The following LGALS2 variants were observed in gnomAD, a reference collection of about 807,000 sequenced individuals.
LGALS2 encodes the protein galectin 2.
A neutral mutation model predicts 10.1 loss-of-function variants in LGALS2; 7 were observed. The ratio of observed to expected loss-of-function variants is 0.70; its 90% CI spans 0.40 to 1.31. The LOEUF (loss-of-function observed/expected upper bound fraction) is 1.31. LGALS2 is among the 50% of genes most tolerant of loss of function. LGALS2 has a pLI of 0.01. For missense variants in LGALS2, 167 were observed against 163.6 expected, an observed-to-expected ratio of 1.02 and a Z score of -0.11; for synonymous variants, 86 against 64.2, an observed-to-expected ratio of 1.34 and a Z score of -1.63.
chr22:37,579,685 C>T (rs1347484690), intron 1 of LGALS2, among the ~76,000 whole-genome samples: 5 of 152,128 alleles, frequency 3.3e-5, no homozygotes, highest in Non-Finnish European at 5.9e-5. Flanking sequence ...CCACCAGCCT[C>T]GGCCTCCCAA....
rs1267244532 is a variant in LGALS2 at position 37,579,085 on chromosome 22, C to CA, written c.6+814dup. On this transcript the variant is annotated intron_variant, in intron 1 of 3. Transcript: ENST00000215886. ...CTGGGCAACAGAAACTCCATCTCAACAAAAAAAAAAAAATTAGCCAGGTGT... is the reference window on the plus strand; with the variant it reads ...CTGGGCAACAGAAACTCCATCTCAACAAAAAAAAAAAAAATTAGCCAGGTGT... Among the ~76,000 whole-genome samples the CA allele has an allele frequency of 5.2e-4, 75 of 143,074 alleles. No individual in the cohort carries two copies. The South Asian group carries it at 0.012, about 23-fold the overall frequency. 93.9% of individuals were successfully genotyped at this position (143,074 alleles called of 152,430 possible).
At chr22:37,576,906 C>T (rs1925698859) in intron 1 of LGALS2, among the ~76,000 whole-genome samples, 1 of 146,212 alleles carries the variant, frequency 6.8e-6, no homozygotes, top group Non-Finnish European at 1.5e-5. Flanking sequence ...GGTGCAGGCC[C>T]GGGAGCCTTG....
At chr22:37,576,148 G>A (rs182030347) in intron 1 of LGALS2, among the ~76,000 whole-genome samples, 9 of 152,124 alleles carry the variant, frequency 5.9e-5, no homozygotes, top group South Asian at 4.1e-4. Context: ...CCAGACAGAC[G>A]GGATTAAAAT....
chr22:37,570,364 C>T lies in LGALS2; in HGVS notation c.298G>A (p.Gly100Arg), dbSNP rs774284368. ...SDKFKVKLPDGHELTFPNRLG... is the reference protein window; with the variant it reads ...SDKFKVKLPDRHELTFPNRLG... ...CTGTTGGGAAAAGTCAGCTCGTGCC[C>T]ATCTGGCAGCTTCACCTTGAATTTG... is the stretch of plus-strand genomic sequence containing the variant. Residue 100 changes from glycine to arginine, a missense_variant, in exon 4 of 4, where the codon GGG becomes AGG. Transcript: ENST00000215886. 1.2e-6 allele frequency: 2 copies of T among 1,614,066 alleles called. No homozygotes were observed. The highest frequency in any genetic ancestry group is 1.1e-5 in the South Asian group (1 of 91,080).
intron 1 of LGALS2, among the ~76,000 whole-genome samples, chr22:37,576,249 G>A (rs1925669299): frequency 6.6e-6 from 1 of 151,936 alleles, no homozygotes; most frequent in South Asian, 2.1e-4. Flanking sequence ...TCAGGAGAGT[G>A]AGATCATCCT....
At chr22:37,575,907 T>G (rs1398951865) in intron 1 of LGALS2, among the ~76,000 whole-genome samples, 1 of 152,166 alleles carries the variant, frequency 6.6e-6, no homozygotes, top group Non-Finnish European at 1.5e-5. Context: ...ATTTCTTTGT[T>G]GGGGTCTGTC....
chr22:37,571,721 G>A, intron 2 of LGALS2, 128 bp downstream of exon 2: 1 of 713,086 alleles, frequency 1.4e-6, no homozygotes, highest in Non-Finnish European at 2.5e-6. Context: ...TGGGGAGAAG[G>A]GTGTGAAAAA....
chr22:37,573,524 C>G (rs916802567), intron 1 of LGALS2, among the ~76,000 whole-genome samples: 2 of 152,080 alleles, frequency 1.3e-5, no homozygotes, highest in African/African-American at 4.8e-5. Context: ...TAGCGAGACT[C>G]CCATTTCTAT....
At chr22:37,575,625 A>AT (rs112964645) in intron 1 of LGALS2, among the ~76,000 whole-genome samples, 9,829 of 140,920 alleles carry the variant, frequency 0.07, 906 homozygotes, top group African/African-American at 0.22. Context: ...GGCCCAGCTG[A>AT]TTTTTTTTTT....
chr22:37,576,386 T>A (rs1210986013), intron 1 of LGALS2, among the ~76,000 whole-genome samples: 15 of 143,940 alleles, frequency 1.0e-4, no homozygotes, highest in South Asian at 4.3e-4. Context: ...CGGGAGGCGG[T>A]GCTTGCAGTG....
chr22:37,574,772 C>T (rs1052285727), intron 1 of LGALS2, among the ~76,000 whole-genome samples: 12 of 152,186 alleles, frequency 7.9e-5, no homozygotes, highest in Middle Eastern at 3.4e-3. Context: ...TGCCCTCTCG[C>T]TGGCAGCCGC....
chr22:37,572,459 T>C (rs915797630), intron 1 of LGALS2, among the ~76,000 whole-genome samples: 1 of 151,204 alleles, frequency 6.6e-6, no homozygotes, highest in African/African-American at 2.4e-5. Context: ...TGGTGAAACC[T>C]CGTCTCTACT....
intron 2 of LGALS2, 71 bp from the exon 3 acceptor site, chr22:37,570,806 T>C: frequency 6.5e-7 from 1 of 1,541,982 alleles, no homozygotes; most frequent in Non-Finnish European, 9.0e-7. Flanking sequence ...TTGGAGGACC[T>C]TGGTTGACCA....
intron 1 of LGALS2, among the ~76,000 whole-genome samples, chr22:37,577,527 T>TTCC: frequency 1.7e-5 from 2 of 119,062 alleles, no homozygotes; most frequent in African/African-American, 3.3e-5. Flanking sequence ...TTTTTTTTTC[T>TTCC]TCTTCTTCTT....
rs188076739 is a variant in LGALS2, at chr22:37,574,779, C to T, written c.7-2848G>A. 1.3e-3 allele frequency among the ~76,000 whole-genome samples: 199 copies of T among 152,196 alleles called. 3 individuals are homozygous for T. Among genetic ancestry groups the T allele is most frequent in the African/African-American group, 4.7e-3 (196 of 41,514 alleles). On this transcript the variant is annotated intron_variant, in intron 1 of 3. Coordinates refer to ENST00000215886, the MANE Select transcript of LGALS2 (RefSeq NM_006498.3). ...ACCCTCAGTGCCCTCTCGCTGGCAG[C>T]CGCCTCCTCTCTGCAGAGGAGGAAG...
Position 37,575,203 on chromosome 22 carries a change from C to CTTTT in LGALS2, c.7-3276_7-3273dup, listed in dbSNP as rs35861132. On this transcript the variant is annotated intron_variant, in intron 1 of 3. Transcript: ENST00000215886. Reference sequence around the variant, plus strand: ...ACCCAGCATTTTTTTTCTTTTCTTTCTTTTTTTTTTTTTTTTGAGACAGGG... The same window carrying CTTTT: ...ACCCAGCATTTTTTTTCTTTTCTTTCTTTTTTTTTTTTTTTTTTTTGAGACAGGG... Among the ~76,000 whole-genome samples, 496 of 128,684 alleles carry CTTTT rather than the reference C, an allele frequency of 3.9e-3. 6 individuals are homozygous for CTTTT. Among genetic ancestry groups the CTTTT allele is most frequent in the African/African-American group, 0.013 (452 of 34,570 alleles). 84.4% of individuals were successfully genotyped at this position (128,684 alleles called of 152,430 possible).
At chr22:37,576,355 G>C (rs1925674930) in intron 1 of LGALS2, among the ~76,000 whole-genome samples, 1 of 151,640 alleles carries the variant, frequency 6.6e-6, no homozygotes, top group Admixed American at 6.6e-5. Context: ...GGGAGGCTGA[G>C]GCAGGAGAAT....
chr22:37,579,578 A>G (rs1003770000), intron 1 of LGALS2, among the ~76,000 whole-genome samples: 1 of 152,064 alleles, frequency 6.6e-6, no homozygotes, highest in Non-Finnish European at 1.5e-5. Context: ...GATTACAGGC[A>G]TGTGCCACCA....
rs761988801 is a variant in LGALS2, at chr22:37,579,864, A to G, written c.6+36T>C. ...CACCCAGGCAAAGACAAAGATGAACAGAGTGGGGCAGGCAGCAGGGGGCTA... is the reference window on the plus strand; with the variant it reads ...CACCCAGGCAAAGACAAAGATGAACGGAGTGGGGCAGGCAGCAGGGGGCTA... On this transcript the variant is annotated intron_variant, in intron 1 of 3. Coordinates refer to ENST00000215886, the MANE Select transcript of LGALS2 (RefSeq NM_006498.3). The G allele has an allele frequency of 5.6e-6, 9 of 1,602,406 alleles. No homozygotes were observed. In the East Asian group the frequency reaches 1.8e-4, roughly 32 times the overall value.
Sources: allele counts gnomAD v4.1 joint callset (sites outside exome capture counted in the v4.1 genomes callset), GRCh38; gene constraint gnomAD v4.1.1; transcripts MANE v1.5; gene names NCBI Gene and HGNC (gene_info 2026-07-23, HGNC 2026-07-21).